The following GRM5 variants were observed in gnomAD, a reference collection of about 807,000 sequenced individuals.
GRM5 encodes the protein glutamate metabotropic receptor 5, also known as metabotropic glutamate receptor 5.
GRM5 carries 19 observed loss-of-function variants against 83.1 expected under a neutral mutation model. That is an observed-to-expected ratio of 0.23 (90% CI 0.16 to 0.34). The LOEUF is 0.34. Among genes scored for constraint, GRM5 ranks in the 10% least tolerant of loss-of-function variants. GRM5 has a pLI of 1.00. For synonymous variants in GRM5, 675 were observed against 633.6 expected, an observed-to-expected ratio of 1.07 and a Z score of -0.98; for missense variants, 1,160 against 1,588.3, an observed-to-expected ratio of 0.73 and a Z score of 4.58.
chr11:88,513,741 AAAAAG>A (rs200002888), intron 9 of GRM5, among the ~76,000 whole-genome samples: 174 of 152,182 alleles, frequency 1.1e-3, no homozygotes, highest in African/African-American at 4.0e-3. Flanking sequence ...TTTATTGGAA[AAAAAG>A]AAAAGAAAAG....
intron 3 of GRM5, among the ~76,000 whole-genome samples, chr11:88,655,380 C>A (rs1939740958): frequency 6.6e-6 from 1 of 151,976 alleles, no homozygotes; most frequent in African/African-American, 2.4e-5. Context: ...GCAAATGGGA[C>A]AGGAAGCTCT....
At chr11:88,774,116 CT>C (rs1942797906) in intron 3 of GRM5, among the ~76,000 whole-genome samples, 1 of 152,162 alleles carries the variant, frequency 6.6e-6, no homozygotes, top group Non-Finnish European at 1.5e-5. Context: ...TTCATGTCCT[CT>C]TTTATTTCAT....
chr11:88,654,386 T>A (rs1939714544), intron 3 of GRM5, among the ~76,000 whole-genome samples: 1 of 152,078 alleles, frequency 6.6e-6, no homozygotes, highest in African/African-American at 2.4e-5. Context: ...GAAAGTGACT[T>A]GTCCCTCTTC....
At chr11:88,639,161 G>A (rs1031499887) in intron 4 of GRM5, among the ~76,000 whole-genome samples, 1 of 152,048 alleles carries the variant, frequency 6.6e-6, no homozygotes, top group Admixed American at 6.6e-5. Flanking sequence ...TTCTGACTCC[G>A]TTACCATATG....
At chr11:88,929,957 T>C (rs922791436) in intron 2 of GRM5, among the ~76,000 whole-genome samples, 1 of 152,164 alleles carries the variant, frequency 6.6e-6, no homozygotes. Context: ...ATCAGACTGG[T>C]GTTTCAAAGA....
At chr11:89,065,273 A>C (rs1942076524) in intron 1 of GRM5, among the ~76,000 whole-genome samples, 1 of 146,136 alleles carries the variant, frequency 6.8e-6, no homozygotes, top group Admixed American at 6.9e-5. Flanking sequence ...CCTTTCGTGC[A>C]CATGTATTGG....
intron 3 of GRM5, among the ~76,000 whole-genome samples, chr11:88,810,775 G>A (rs1408716149): frequency 6.6e-6 from 1 of 152,052 alleles, no homozygotes; most frequent in East Asian, 1.9e-4. Flanking sequence ...TGCCAACCAG[G>A]ATCATTGAAT....
intron 3 of GRM5, among the ~76,000 whole-genome samples, chr11:88,694,382 G>T (rs1352616858): frequency 6.6e-6 from 1 of 152,062 alleles, no homozygotes; most frequent in East Asian, 1.9e-4. Flanking sequence ...GGAGAGAGCA[G>T]CATAGGCAGG....
chr11:88,921,647 C>T (rs573912), intron 2 of GRM5, among the ~76,000 whole-genome samples: 48,739 of 151,282 alleles, frequency 0.32, 8,052 homozygotes, highest in Non-Finnish European at 0.36. Context: ...AAATACTGGG[C>T]TTAGAAGGAA....
At chr11:88,623,128 C>T (rs1254524633) in intron 4 of GRM5, among the ~76,000 whole-genome samples, 1 of 152,028 alleles carries the variant, frequency 6.6e-6, no homozygotes, top group Non-Finnish European at 1.5e-5. Flanking sequence ...TCTTGTCGCC[C>T]AGTATGGAGT....
intron 3 of GRM5, among the ~76,000 whole-genome samples, chr11:88,703,956 T>A (rs1941094697): frequency 1.3e-5 from 2 of 151,984 alleles, no homozygotes. Context: ...CAACAAACAT[T>A]AATTTCTCAT....
chr11:88,544,946 A>G (rs939469227), intron 8 of GRM5, among the ~76,000 whole-genome samples: 1 of 152,202 alleles, frequency 6.6e-6, no homozygotes, highest in Non-Finnish European at 1.5e-5. Context: ...AGAATGTTCT[A>G]TTTGACGAAT....
chr11:88,758,887 A>G (rs1942451318), intron 3 of GRM5, among the ~76,000 whole-genome samples: 1 of 152,184 alleles, frequency 6.6e-6, no homozygotes, highest in Non-Finnish European at 1.5e-5. Context: ...TGCTAACAGT[A>G]GACCTCTCAG....
intron 3 of GRM5, among the ~76,000 whole-genome samples, chr11:88,803,104 T>C (rs922593711): frequency 6.8e-6 from 1 of 146,342 alleles, no homozygotes; most frequent in East Asian, 2.0e-4. Flanking sequence ...AAAATGGCCA[T>C]ACTGCCCAAG....
At chr11:88,993,748 G>T (rs149713412) in intron 2 of GRM5, among the ~76,000 whole-genome samples, 2,107 of 152,134 alleles carry the variant, frequency 0.014, 70 homozygotes, top group African/African-American at 0.048. Flanking sequence ...TTGAGACAGG[G>T]TCTCACTCTG....
intron 7 of GRM5, among the ~76,000 whole-genome samples, chr11:88,575,433 A>T (rs901816302): frequency 6.0e-4 from 92 of 152,314 alleles, no homozygotes; most frequent in Non-Finnish European, 1.2e-3. Context: ...TATCTTTGCT[A>T]CATCAGGGGA....
intron 8 of GRM5, among the ~76,000 whole-genome samples, chr11:88,558,782 A>C (rs1942685752): frequency 7.2e-6 from 1 of 138,312 alleles, no homozygotes; most frequent in Non-Finnish European, 1.5e-5. Context: ...GCCTGGCAAC[A>C]GAGTGAGACT....
At chr11:89,002,514 T>C (rs1271916463) in intron 2 of GRM5, among the ~76,000 whole-genome samples, 1 of 152,130 alleles carries the variant, frequency 6.6e-6, no homozygotes, top group Non-Finnish European at 1.5e-5. Context: ...TCCTGATAGG[T>C]TATCCCCTTG....
chr11:89,059,785 T>G (rs1941949575), intron 1 of GRM5, among the ~76,000 whole-genome samples: 3 of 152,150 alleles, frequency 2.0e-5, no homozygotes, highest in Admixed American at 2.0e-4. Flanking sequence ...TTTCTCTTTA[T>G]GTCTTCTAAA....
Sources: allele counts gnomAD v4.1 joint callset (sites outside exome capture counted in the v4.1 genomes callset), GRCh38; gene constraint gnomAD v4.1.1; transcripts MANE v1.5; gene names NCBI Gene and HGNC (gene_info 2026-07-23, HGNC 2026-07-21).